The following LHCGR variants were observed in gnomAD, a reference collection of about 807,000 sequenced individuals.
LHCGR encodes the protein lutropin-choriogonadotropic hormone receptor.
LHCGR carries 55 observed loss-of-function variants against 60.7 expected under a neutral mutation model. The observed-to-expected ratio is 0.91, with a 90% CI of 0.73 to 1.13. The LOEUF (loss-of-function observed/expected upper bound fraction) is 1.13. Among genes scored for constraint, LHCGR ranks in the 50% most tolerant of loss-of-function variants. The pLI is 0.00. For missense variants in LHCGR, 862 were observed against 836.0 expected, an observed-to-expected ratio of 1.03 and a Z score of -0.38; for synonymous variants, 337 against 316.5, an observed-to-expected ratio of 1.06 and a Z score of -0.69.
At chr2:48,718,092 A>T (rs1227258306) in intron 6 of LHCGR, among the ~76,000 whole-genome samples, 1 of 152,074 alleles carries the variant, frequency 6.6e-6, no homozygotes, top group Non-Finnish European at 1.5e-5. Flanking sequence ...GTCACTTCAG[A>T]TAACTTTTTT....
chr2:48,695,248 G>T (rs190239482), intron 9 of LHCGR, among the ~76,000 whole-genome samples: 1 of 152,224 alleles, frequency 6.6e-6, no homozygotes, highest in African/African-American at 2.4e-5. Context: ...TAGGTTGTCT[G>T]TTTACTCTGT....
intron 8 of LHCGR, 47 bp from the exon 9 acceptor site, chr2:48,698,847 ATT>A (rs70946824): frequency 0.032 from 28,213 of 873,126 alleles, 8 homozygotes; most frequent in East Asian, 0.047. Flanking sequence ...TATTTTATAC[ATT>A]TTTTTTTTTT....
At chr2:48,712,407 A>G (rs17398294) in intron 7 of LHCGR, among the ~76,000 whole-genome samples, 10,762 of 152,236 alleles carry the variant, frequency 0.071, 525 homozygotes, top group Non-Finnish European at 0.11. Flanking sequence ...GGAATGAGGC[A>G]TCTGAGAGAA....
intron 1 of LHCGR, among the ~76,000 whole-genome samples, chr2:48,742,294 G>C (rs1669493757): frequency 6.6e-6 from 1 of 152,136 alleles, no homozygotes; most frequent in Admixed American, 6.5e-5. Context: ...GAGACAGAAA[G>C]TCAGCAAGGA....
intron 1 of LHCGR, among the ~76,000 whole-genome samples, chr2:48,750,639 C>T (rs4953625): frequency 0.76 from 115,332 of 152,176 alleles, 44,289 homozygotes; most frequent in African/African-American, 0.89. Context: ...TGCTTCTTTT[C>T]TGCATGAGTT....
At chr2:48,692,716 AGGACACATTATCTT>A (rs1256008217) in intron 10 of LHCGR, among the ~76,000 whole-genome samples, 1 of 152,206 alleles carries the variant, frequency 6.6e-6, no homozygotes, top group Non-Finnish European at 1.5e-5. Flanking sequence ...CATAGAGGTA[AGGACACATTATCTT>A]GGGGAGAATA....
chr2:48,713,887 T>C, intron 7 of LHCGR, 99 bp downstream of exon 7: 1 of 971,674 alleles, frequency 1.0e-6, no homozygotes. Flanking sequence ...TGAAAGTTTA[T>C]TTTTGCCCTG....
chr2:48,706,433 G>T (rs917899000), intron 8 of LHCGR, among the ~76,000 whole-genome samples: 1 of 152,138 alleles, frequency 6.6e-6, no homozygotes, highest in Non-Finnish European at 1.5e-5. Flanking sequence ...GAATTTGAAT[G>T]TTGGCCTGCC....
chr2:48,743,638 C>G (rs1383108834), intron 1 of LHCGR, among the ~76,000 whole-genome samples: 1 of 152,086 alleles, frequency 6.6e-6, no homozygotes, highest in Non-Finnish European at 1.5e-5. Context: ...TGACAAAATT[C>G]AACAACCCTT....
chr2:48,688,848 A>G lies in LHCGR; in HGVS notation c.949T>C (p.Tyr317His). 1.2e-6 allele frequency: 2 copies of G among 1,613,948 alleles called. No homozygotes were observed. Among genetic ancestry groups the G allele is most frequent in the Non-Finnish European group, 1.7e-6 (2 of 1,179,856 alleles). ...TVRKVNNKTL[Y>H]SSMLAESELS... is the part of the protein sequence containing the mutation. Reference sequence around the variant, plus strand: ...TCACTCTCAGCAAGCATGGAAGAATAACTGTAAGAAGAATTATTGGCTTGA... The same window carrying G: ...TCACTCTCAGCAAGCATGGAAGAATGACTGTAAGAAGAATTATTGGCTTGA... The change falls in exon 11 of 11, where the codon TAT becomes CAT. Residue 317 changes from tyrosine to histidine, a missense_variant and splice_region_variant. Tyr to His is a moderately conservative substitution (Grantham distance 83). Transcript: ENST00000294954. The surrounding 1 kb of genome is among the most constrained non-coding windows in gnomAD (Gnocchi z 5.2).
chr2:48,709,052 G>A (rs1667848879), intron 7 of LHCGR, 30 bp from the exon 8 acceptor site: 3 of 1,556,676 alleles, frequency 1.9e-6, no homozygotes, highest in Non-Finnish European at 2.7e-6. Flanking sequence ...CCTTAGTGGA[G>A]TTTGTACCTC....
chr2:48,755,616 GGCTGCAGCAGCAGCAGCAGCTTCAGCA>G lies in LHCGR; in HGVS notation c.29_55del (p.Leu10_Gln18del). ...CTCGCGCAGCGCTCGTGGCAGCGGC[GGCTGCAGCAGCAGCAGCAGCTTCAGCA>G]GCTGCAGCGCCGAGAACCGCTGCTT... On this transcript the variant is annotated inframe_deletion, in exon 1 of 11. Coordinates refer to ENST00000294954, the MANE Select transcript of LHCGR (RefSeq NM_000233.4). The G allele has an allele frequency of 1.3e-6, 2 of 1,532,452 alleles. No individual in the cohort carries two copies. Among genetic ancestry groups the G allele is most frequent in the Non-Finnish European group, 8.7e-7 (1 of 1,142,874 alleles). The allele number at this position is 1,532,452 out of a possible 1,614,324, so 94.9% of individuals were successfully genotyped here.
intron 6 of LHCGR, among the ~76,000 whole-genome samples, chr2:48,722,381 A>G (rs929317551): frequency 2.6e-5 from 4 of 152,170 alleles, no homozygotes; most frequent in Non-Finnish European, 5.9e-5. Flanking sequence ...GCGGTGAGCT[A>G]TTTCTAACTA....
At chr2:48,750,177 G>A (rs1669899261) in intron 1 of LHCGR, among the ~76,000 whole-genome samples, 1 of 152,160 alleles carries the variant, frequency 6.6e-6, no homozygotes, top group South Asian at 2.1e-4. Flanking sequence ...GTAGGGCCAA[G>A]CTGTCTTGCT....
At chr2:48,750,483 C>G (rs2103738874) in intron 1 of LHCGR, among the ~76,000 whole-genome samples, 1 of 152,300 alleles carries the variant, frequency 6.6e-6, no homozygotes, top group South Asian at 2.1e-4. Context: ...GACTGGAAGC[C>G]TACAAATTCT....
intron 10 of LHCGR, among the ~76,000 whole-genome samples, chr2:48,693,497 AG>A (rs2104377451): frequency 6.6e-6 from 1 of 152,344 alleles, no homozygotes; most frequent in East Asian, 1.9e-4. Flanking sequence ...GGAAAAGAAA[AG>A]AAGAGAAAAT....
intron 9 of LHCGR, among the ~76,000 whole-genome samples, chr2:48,697,642 G>T (rs1667183046): frequency 6.6e-6 from 1 of 152,178 alleles, no homozygotes; most frequent in Non-Finnish European, 1.5e-5. Flanking sequence ...CATTTTGGTT[G>T]ATTCCAAACA....
intron 1 of LHCGR, among the ~76,000 whole-genome samples, chr2:48,752,981 CGGGG>C (rs60837194): frequency 3.8e-3 from 29 of 7,624 alleles, no homozygotes; most frequent in East Asian, 0.034. Flanking sequence ...CGGATTTTGG[CGGGG>C]GGGGGGGGGG....
intron 1 of LHCGR, among the ~76,000 whole-genome samples, chr2:48,750,274 T>C (rs926202712): frequency 6.6e-6 from 1 of 152,198 alleles, no homozygotes; most frequent in African/African-American, 2.4e-5. Flanking sequence ...GCCATCTGTC[T>C]CAATTCAGGC....
Sources: gnomAD v4.1 joint callset for allele counts (sites outside exome capture counted in the v4.1 genomes callset) on GRCh38, gnomAD v4.1.1 for gene constraint, Gnocchi (gnomAD v3.1) non-coding constraint, MANE v1.5 for transcripts, NCBI Gene and HGNC (gene_info 2026-07-23, HGNC 2026-07-21) for gene names.